The following MDGA2 variants were observed in gnomAD, a reference collection of about 807,000 sequenced individuals.
MDGA2 encodes MAM domain containing glycosylphosphatidylinositol anchor 2, also known as MAM domain-containing glycosylphosphatidylinositol anchor protein 2.
MDGA2 carries 40 observed loss-of-function variants against 117.8 expected under a neutral mutation model. That is an observed-to-expected ratio of 0.34 (90% CI 0.26 to 0.44). The LOEUF is 0.44. Among genes scored for constraint, MDGA2 ranks in the 20% least tolerant of loss-of-function variants. The pLI is 1.00. For synonymous variants in MDGA2, 452 were observed against 439.0 expected, an observed-to-expected ratio of 1.03 and a Z score of -0.37; for missense variants, 1,123 against 1,250.6, an observed-to-expected ratio of 0.90 and a Z score of 1.54.
At chr14:46,937,889 G>A (rs59431370) in intron 9 of MDGA2, among the ~76,000 whole-genome samples, 5,562 of 152,004 alleles carry the variant, frequency 0.037, 357 homozygotes, top group African/African-American at 0.13. Flanking sequence ...ACACTGGGCT[G>A]AGAAAAGATT....
intron 14 of MDGA2, among the ~76,000 whole-genome samples, chr14:46,863,357 C>T (rs1461722215): frequency 2.0e-5 from 3 of 152,040 alleles, no homozygotes. Context: ...AGATGATGAA[C>T]TATTTGATGA....
At chr14:47,270,849 T>C (rs1359718836) in intron 2 of MDGA2, among the ~76,000 whole-genome samples, 3 of 152,138 alleles carry the variant, frequency 2.0e-5, no homozygotes, top group African/African-American at 4.8e-5. Flanking sequence ...CGTAGAAATA[T>C]ATGTCTTCAT....
intron 1 of MDGA2, among the ~76,000 whole-genome samples, chr14:47,444,889 T>C (rs981334858): frequency 2.6e-5 from 4 of 152,156 alleles, no homozygotes; most frequent in Non-Finnish European, 5.9e-5. Flanking sequence ...CATTGAAATC[T>C]TCATATACCA....
intron 2 of MDGA2, among the ~76,000 whole-genome samples, chr14:47,281,006 TATATA>T (rs901763119): frequency 2.0e-5 from 3 of 147,636 alleles, no homozygotes; most frequent in Non-Finnish European, 4.5e-5. Flanking sequence ...TTATATATGG[TATATA>T]ATATATAATA....
At chr14:47,542,532 T>G (rs370781196) in intron 1 of MDGA2, among the ~76,000 whole-genome samples, 1 of 152,206 alleles carries the variant, frequency 6.6e-6, no homozygotes, top group East Asian at 1.9e-4. Flanking sequence ...TTTTCAGTTT[T>G]TATTTAATTT....
chr14:47,199,299 C>T (rs918013086), intron 3 of MDGA2, among the ~76,000 whole-genome samples: 4 of 152,052 alleles, frequency 2.6e-5, no homozygotes, highest in Non-Finnish European at 5.9e-5. Context: ...AGGTAACTTC[C>T]CATCTTCCAA....
At chr14:46,961,825 G>A (rs1184518655) in intron 8 of MDGA2, among the ~76,000 whole-genome samples, 1 of 151,954 alleles carries the variant, frequency 6.6e-6, no homozygotes, top group African/African-American at 2.4e-5. Context: ...TGTATTTTTA[G>A]TAGAGACGGG....
At chr14:47,552,488 T>C (rs558887865) in intron 1 of MDGA2, among the ~76,000 whole-genome samples, 2 of 152,366 alleles carry the variant, frequency 1.3e-5, no homozygotes, top group East Asian at 1.9e-4. Context: ...CTTTCTCTTA[T>C]ACTACAGTAT....
At chr14:47,041,813 GAAGTT>G (rs1294920209) in intron 7 of MDGA2, among the ~76,000 whole-genome samples, 1 of 152,044 alleles carries the variant, frequency 6.6e-6, no homozygotes, top group Non-Finnish European at 1.5e-5. Context: ...AAAGAATGCA[GAAGTT>G]TAGTTCATTT....
intron 3 of MDGA2, among the ~76,000 whole-genome samples, chr14:47,166,047 T>C (rs1883860739): frequency 6.7e-6 from 1 of 150,060 alleles, no homozygotes; most frequent in Non-Finnish European, 1.5e-5. Context: ...TTTTTTTTTT[T>C]TTTTTTTAGA....
rs751800979 is a variant in MDGA2 at position 47,017,299 on chromosome 14, G to GA, written c.1819+17711dup. Reference sequence around the variant, plus strand: ...AAAAGAATTCATCAAGGCCCACATTGAAAAAAAAAAAAAAGAAGAAGAAAA... The same window carrying GA: ...AAAAGAATTCATCAAGGCCCACATTGAAAAAAAAAAAAAAAGAAGAAGAAAA... On this transcript the variant is annotated intron_variant, in intron 8 of 16. Coordinates refer to ENST00000399232, the MANE Select transcript of MDGA2 (RefSeq NM_001113498.3). Among the ~76,000 whole-genome samples the GA allele has an allele frequency of 3.0e-3, 340 of 112,804 alleles. 1 individual carries two copies. The highest frequency in any genetic ancestry group is 5.0e-3 in the Middle Eastern group (1 of 200). The allele number at this position is 112,804 out of a possible 152,430, so 74.0% of individuals were successfully genotyped here.
chr14:46,982,734 A>AAAAAAAAAAAAAAAAAAAT lies in MDGA2; in HGVS notation c.1820-25092_1820-25091insATTTTTTTTTTTTTTTTTT, dbSNP rs1449356596. Among the ~76,000 whole-genome samples the AAAAAAAAAAAAAAAAAAAT allele has an allele frequency of 7.5e-4, 98 of 130,376 alleles. 5 individuals carry two copies. The highest frequency in any genetic ancestry group is 1.2e-3 in the Non-Finnish European group (73 of 59,218). 85.5% of individuals were successfully genotyped at this position (130,376 alleles called of 152,430 possible). The stretch of plus-strand genomic sequence containing the variant: ...AAAAAAAAAAAAAAAAAAAAAAAAA[A>AAAAAAAAAAAAAAAAAAAT]AATCATGTCATCTGCAACCAGGGAC... On this transcript the variant is annotated intron_variant, in intron 8 of 16. Transcript: ENST00000399232.
intron 2 of MDGA2, among the ~76,000 whole-genome samples, chr14:47,261,450 T>C (rs1430728814): frequency 6.6e-6 from 1 of 152,166 alleles, no homozygotes; most frequent in Non-Finnish European, 1.5e-5. Flanking sequence ...TCAAGTTTTA[T>C]AAGCTGCTGT....
chr14:47,091,719 T>A (rs1298758900), intron 6 of MDGA2, among the ~76,000 whole-genome samples: 1 of 150,302 alleles, frequency 6.7e-6, no homozygotes, highest in East Asian at 2.0e-4. Context: ...GGTATAGGCA[T>A]GTGTCTGAGT....
intron 3 of MDGA2, among the ~76,000 whole-genome samples, chr14:47,215,437 T>C (rs556253313): frequency 1.0e-3 from 158 of 152,190 alleles, no homozygotes; most frequent in Admixed American, 3.4e-3. Flanking sequence ...TGTTTTAAAT[T>C]ATAGAAACTC....
At chr14:47,094,610 A>G (rs187279515) in intron 6 of MDGA2, among the ~76,000 whole-genome samples, 288 of 152,156 alleles carry the variant, frequency 1.9e-3, no homozygotes, top group African/African-American at 6.6e-3. Context: ...AAACTAATGG[A>G]ATAAAAGATT....
chr14:47,646,283 C>T (rs1473375108), intron 1 of MDGA2, among the ~76,000 whole-genome samples: 3 of 151,872 alleles, frequency 2.0e-5, no homozygotes, highest in African/African-American at 7.3e-5. Flanking sequence ...AGAATCCATA[C>T]AATTACTTCA....
At chr14:47,171,710 G>A (rs752896491) in intron 3 of MDGA2, among the ~76,000 whole-genome samples, 36 of 152,334 alleles carry the variant, frequency 2.4e-4, no homozygotes, top group African/African-American at 4.6e-4. Context: ...AGCTCCCAGC[G>A]TGAGCGACAC....
At chr14:46,892,839 A>G (rs889306936) in intron 10 of MDGA2, among the ~76,000 whole-genome samples, 2 of 151,946 alleles carry the variant, frequency 1.3e-5, no homozygotes, top group African/African-American at 4.8e-5. Flanking sequence ...GACTATTATA[A>G]AAAAAAGATG....
Sources: gnomAD v4.1 joint callset for allele counts (sites outside exome capture counted in the v4.1 genomes callset) on GRCh38, gnomAD v4.1.1 for gene constraint, MANE v1.5 for transcripts, NCBI Gene and HGNC (gene_info 2026-07-23, HGNC 2026-07-21) for gene names.